Variants in TPRG1 observed in about 807,000 individuals in gnomAD.
TPRG1 encodes the protein tumor protein p63 regulated 1, also known as tumor protein p63-regulated gene 1 protein.
In TPRG1, 29 loss-of-function variants were observed where a neutral mutation model predicts 29.3. The observed-to-expected ratio is 0.99, with a 90% CI of 0.74 to 1.35. The LOEUF (loss-of-function observed/expected upper bound fraction) is 1.35. Among genes scored for constraint, TPRG1 ranks in the 40% most tolerant of loss-of-function variants. The pLI is 0.00. For synonymous variants in TPRG1, 130 were observed against 116.8 expected (o/e 1.11, Z -0.73); for missense variants, 327 against 335.0 (o/e 0.98, Z 0.19).
At chr3:189,086,187 G>A in intron 4 of TPRG1, among the ~76,000 whole-genome samples, 1 of 152,224 alleles carries the variant, frequency 6.6e-6, no homozygotes, top group South Asian at 2.1e-4. Context: ...TGATGTTCAA[G>A]GGCAAGAAGC....
At chr3:189,179,570 C>G (rs1488826198) in intron 1 of TPRG1, among the ~76,000 whole-genome samples, 1 of 152,156 alleles carries the variant, frequency 6.6e-6, no homozygotes, top group African/African-American at 2.4e-5. Flanking sequence ...TTGCCTATTG[C>G]TTTATCCAGA....
intron 4 of TPRG1, among the ~76,000 whole-genome samples, chr3:189,091,002 T>C (rs1252986618): frequency 6.6e-6 from 1 of 152,174 alleles, no homozygotes; most frequent in Non-Finnish European, 1.5e-5. Context: ...TGACCTTGCT[T>C]AAATTACATA....
chr3:189,219,179 G>A (rs143390496), intron 3 of TPRG1, among the ~76,000 whole-genome samples: 373 of 152,288 alleles, frequency 2.4e-3, no homozygotes, highest in Middle Eastern at 6.8e-3. Flanking sequence ...ATTTTCCAAG[G>A]AGTAGTACTC....
upstream of TPRG1, among the ~76,000 whole-genome samples, chr3:189,171,237 G>T (rs956858747): frequency 1.3e-5 from 2 of 152,174 alleles, no homozygotes; most frequent in African/African-American, 4.8e-5. Flanking sequence ...TTCTGAAGGA[G>T]AAATGATACT....
At chr3:189,062,977 GA>G (rs1454161695) in intron 4 of TPRG1, among the ~76,000 whole-genome samples, 2 of 151,968 alleles carry the variant, frequency 1.3e-5, no homozygotes, top group Non-Finnish European at 2.9e-5. Context: ...GAGATTGGTA[GA>G]GTGAACAAAA....
chr3:189,260,061 G>A (rs1712725666), intron 4 of TPRG1, among the ~76,000 whole-genome samples: 2 of 152,088 alleles, frequency 1.3e-5, no homozygotes, highest in Admixed American at 1.3e-4. Flanking sequence ...TTCTGAAGTC[G>A]GGCTGACAGG....
intron 4 of TPRG1, among the ~76,000 whole-genome samples, chr3:189,263,527 C>T (rs191533408): frequency 6.6e-6 from 1 of 152,306 alleles, no homozygotes; most frequent in African/African-American, 2.4e-5. Flanking sequence ...GTTGCTTGTG[C>T]TGGCATTCAC....
chr3:189,056,570 T>A (rs887727134), intron 4 of TPRG1, among the ~76,000 whole-genome samples: 47 of 152,178 alleles, frequency 3.1e-4, no homozygotes, highest in Non-Finnish European at 5.9e-5. Flanking sequence ...TTACACCATT[T>A]TCCTCTTAAT....
chr3:189,258,199 T>A (rs2109026349), intron 4 of TPRG1, among the ~76,000 whole-genome samples: 1 of 148,676 alleles, frequency 6.7e-6, no homozygotes, highest in Non-Finnish European at 1.5e-5. Flanking sequence ...TGGTCATCCT[T>A]TTTTTTTTTA....
intron 4 of TPRG1, among the ~76,000 whole-genome samples, chr3:189,241,107 T>G (rs1255031476): frequency 6.6e-6 from 1 of 152,206 alleles, no homozygotes; most frequent in East Asian, 1.9e-4. Context: ...TTTAATGTAT[T>G]AATGGATTTC....
intron 4 of TPRG1, among the ~76,000 whole-genome samples, chr3:189,066,071 A>G (rs1410483607): frequency 6.6e-6 from 1 of 152,174 alleles, no homozygotes; most frequent in African/African-American, 2.4e-5. Flanking sequence ...TTGGAAACCT[A>G]GAAGTGGGTA....
chr3:189,302,450 C>T (rs1720986444), intron 4 of TPRG1, among the ~76,000 whole-genome samples: 1 of 152,216 alleles, frequency 6.6e-6, no homozygotes, highest in Non-Finnish European at 1.5e-5. Context: ...GGGAGTTATA[C>T]CCTAAAAGGT....
At chr3:188,999,645 T>A (rs1711938054) in intron 1 of TPRG1, among the ~76,000 whole-genome samples, 1 of 152,120 alleles carries the variant, frequency 6.6e-6, no homozygotes, top group Non-Finnish European at 1.5e-5. Flanking sequence ...AGTTAACACA[T>A]GAAAAGTACT....
chr3:189,275,295 A>G (rs1225530478), intron 4 of TPRG1, among the ~76,000 whole-genome samples: 2 of 152,186 alleles, frequency 1.3e-5, no homozygotes, highest in Non-Finnish European at 2.9e-5. Context: ...TTTTAGTCAT[A>G]TAGAGCCAAG....
At chr3:189,045,013 G>A (rs1194460446) in intron 4 of TPRG1, among the ~76,000 whole-genome samples, 1 of 152,066 alleles carries the variant, frequency 6.6e-6, no homozygotes, top group Non-Finnish European at 1.5e-5. Context: ...TAATATTCTT[G>A]GAAAATCACC....
chr3:189,150,641 A>T (rs899782112), intron 4 of TPRG1: 2 of 152,198 alleles, frequency 1.3e-5, no homozygotes, highest in Non-Finnish European at 2.9e-5. Context: ...TGCTTTTTAA[A>T]TGTATTTTCA....
chr3:189,118,024 A>T (rs976300910), intron 1 of TPRG1, among the ~76,000 whole-genome samples: 1 of 152,198 alleles, frequency 6.6e-6, no homozygotes. Context: ...AGACAGGAAG[A>T]TGTGGGAAAG....
At chr3:189,196,070 C>A (rs1361164583) in intron 1 of TPRG1, among the ~76,000 whole-genome samples, 1 of 152,202 alleles carries the variant, frequency 6.6e-6, no homozygotes, top group Non-Finnish European at 1.5e-5. Flanking sequence ...GCCAACAAAG[C>A]TTTCTCAGGG....
At chr3:189,209,837 G>T (rs1044695861) in intron 2 of TPRG1, among the ~76,000 whole-genome samples, 2 of 152,156 alleles carry the variant, frequency 1.3e-5, no homozygotes, top group South Asian at 4.1e-4. Context: ...GCTTGTGAGG[G>T]ATCTAAAGTA....
Sources: allele counts gnomAD v4.1 joint callset (sites outside exome capture counted in the v4.1 genomes callset), GRCh38; gene constraint gnomAD v4.1.1; transcripts MANE v1.5; gene names NCBI Gene and HGNC (gene_info 2026-07-23, HGNC 2026-07-21).